RYK: variants seen among roughly 807,000 people sequenced by gnomAD.
RYK encodes the protein inactive tyrosine-protein kinase RYK.
A neutral mutation model predicts 70.2 loss-of-function variants in RYK; 21 were observed. The observed-to-expected ratio is 0.30, with a 90% CI of 0.21 to 0.43. The LOEUF is 0.43. Among genes scored for constraint, RYK ranks in the 20% least tolerant of loss-of-function variants. The pLI, the probability that RYK is intolerant of heterozygous loss-of-function variation, is 1.00. For synonymous variants in RYK, 267 were observed against 278.0 expected (o/e 0.96, Z 0.39); for missense variants, 604 against 753.3 (o/e 0.80, Z 2.32).
chr3:134,204,826 AG>A (rs1480315749), intron 5 of RYK, among the ~76,000 whole-genome samples: 2 of 152,170 alleles, frequency 1.3e-5, no homozygotes, highest in African/African-American at 4.8e-5. Flanking sequence ...GATCATTGCA[AG>A]GTTTCAAGCA....
chr3:134,247,886 G>A (rs1378593034), intron 1 of RYK, among the ~76,000 whole-genome samples: 1 of 152,094 alleles, frequency 6.6e-6, no homozygotes, highest in Non-Finnish European at 1.5e-5. Flanking sequence ...ATAATGGTTC[G>A]TTTCCTATGC....
chr3:134,246,189 C>T (rs1047199315), intron 1 of RYK, among the ~76,000 whole-genome samples: 7 of 151,112 alleles, frequency 4.6e-5, no homozygotes, highest in African/African-American at 1.7e-4. Context: ...CCATTCCCCC[C>T]CTCCCACTCC....
chr3:134,165,935 A>T (rs1483330442), intron 13 of RYK, among the ~76,000 whole-genome samples: 1 of 152,224 alleles, frequency 6.6e-6, no homozygotes, highest in Non-Finnish European at 1.5e-5. Flanking sequence ...AGGTTCATCC[A>T]TATCAGATTT....
At chr3:134,206,916 C>A (rs796805808) in intron 5 of RYK, among the ~76,000 whole-genome samples, 30 of 151,976 alleles carry the variant, frequency 2.0e-4, no homozygotes, top group African/African-American at 6.0e-4. Context: ...AATCTAGTAT[C>A]CTTTTAAGAT....
chr3:134,208,771 G>A (rs2014295065), intron 4 of RYK, among the ~76,000 whole-genome samples: 2 of 152,232 alleles, frequency 1.3e-5, no homozygotes, highest in African/African-American at 4.8e-5. Flanking sequence ...TGACAAGCTA[G>A]ATTCTCTGAA....
chr3:134,222,952 G>A (rs1228144484), intron 1 of RYK, among the ~76,000 whole-genome samples: 1 of 152,126 alleles, frequency 6.6e-6, no homozygotes, highest in African/African-American at 2.4e-5. Flanking sequence ...AAGGCCCCTC[G>A]GATAAAACAT....
At chr3:134,242,136 C>T (rs1316013525) in intron 1 of RYK, among the ~76,000 whole-genome samples, 1 of 152,136 alleles carries the variant, frequency 6.6e-6, no homozygotes, top group Admixed American at 6.6e-5. Flanking sequence ...GAAATCCCAT[C>T]TCTACCAAAA....
intron 13 of RYK, among the ~76,000 whole-genome samples, chr3:134,171,775 G>A (rs1317298895): frequency 6.6e-6 from 1 of 152,146 alleles, no homozygotes; most frequent in East Asian, 1.9e-4. Context: ...GCTGAGGCAG[G>A]AGGACCACTT....
At chr3:134,189,974 A>C (rs1421645941) in intron 8 of RYK, among the ~76,000 whole-genome samples, 3 of 152,154 alleles carry the variant, frequency 2.0e-5, no homozygotes, top group African/African-American at 7.2e-5. Flanking sequence ...TTTAAAAGAT[A>C]AGCTTGCAAA....
chr3:134,247,469 T>G (rs1050869460), intron 1 of RYK, among the ~76,000 whole-genome samples: 2 of 152,158 alleles, frequency 1.3e-5, no homozygotes, highest in African/African-American at 2.4e-5. Flanking sequence ...TTTGGGAGGC[T>G]GAGGTGGGTG....
At chr3:134,225,593 C>G (rs2014883667) in intron 1 of RYK, among the ~76,000 whole-genome samples, 1 of 152,194 alleles carries the variant, frequency 6.6e-6, no homozygotes, top group Non-Finnish European at 1.5e-5. Flanking sequence ...TGGTGTTACA[C>G]CTGTAATCCC....
chr3:134,187,133 C>T (rs1479332803), intron 9 of RYK, among the ~76,000 whole-genome samples: 1 of 151,954 alleles, frequency 6.6e-6, no homozygotes, highest in Non-Finnish European at 1.5e-5. Flanking sequence ...TAAATTAAAC[C>T]ACTTGTTTAG....
intron 1 of RYK, among the ~76,000 whole-genome samples, chr3:134,238,692 T>C (rs2015248527): frequency 6.6e-6 from 1 of 152,154 alleles, no homozygotes; most frequent in African/African-American, 2.4e-5. Context: ...GCACAAATGT[T>C]AGAATACAAG....
rs115776786 is a variant in RYK at position 134,175,486 on chromosome 3, G to A, written c.1575+123C>T. On this transcript the variant is annotated intron_variant, in intron 13 of 14. Transcript: ENST00000623711. ...GGCAGCTAATTACACTTGCTTTCTGGATAAAAATTTCCGGGAACAGCTAGC... is the reference window on the plus strand; with the variant it reads ...GGCAGCTAATTACACTTGCTTTCTGAATAAAAATTTCCGGGAACAGCTAGC... 1.5e-3 allele frequency: 1,725 copies of A among 1,158,174 alleles called. 19 individuals carry two copies. In the African/African-American group the frequency reaches 0.018, roughly 12 times the overall value. The allele number at this position is 1,158,174 out of a possible 1,614,324, so 71.7% of individuals were successfully genotyped here.
In RYK at chr3:134,250,354, T is replaced by C. The variant is rs1005660254; in HGVS notation, c.232+69A>G. ...CCGAGGTCCACGGCTCGCAGACTGA[T>C]CCGCCGGCGGCCGGAAGCTGCCCCA... On this transcript the variant is annotated intron_variant, in intron 1 of 14. Coordinates refer to ENST00000623711, the MANE Select transcript of RYK (RefSeq NM_002958.4). 2.9e-6 allele frequency: 3 copies of C among 1,024,054 alleles called. No homozygotes were observed. In the African/African-American group the frequency reaches 5.1e-5, roughly 18 times the overall value. The allele number at this position is 1,024,054 out of a possible 1,614,324, so 63.4% of individuals were successfully genotyped here. A position where few individuals can be genotyped will look rare whatever the true frequency, so the allele number is the denominator to read the frequency against.
chr3:134,172,155 A>G (rs568973055), intron 13 of RYK, among the ~76,000 whole-genome samples: 1 of 152,180 alleles, frequency 6.6e-6, no homozygotes, highest in Non-Finnish European at 1.5e-5. Flanking sequence ...TTTTAAATCA[A>G]CCACTGGAAA....
chr3:134,193,223 G>A (rs1235954475), intron 7 of RYK, among the ~76,000 whole-genome samples: 3 of 146,104 alleles, frequency 2.1e-5, no homozygotes, highest in East Asian at 2.0e-4. Context: ...TCACTCTGTT[G>A]CCTAGGCTGG....
intron 1 of RYK, among the ~76,000 whole-genome samples, chr3:134,239,792 A>G (rs2015277103): frequency 3.9e-5 from 6 of 152,252 alleles, no homozygotes; most frequent in Admixed American, 3.9e-4. Flanking sequence ...AACAACCAAA[A>G]AAGTATCAGA....
chr3:134,196,683 C>T (rs1033581718), intron 6 of RYK, among the ~76,000 whole-genome samples: 3 of 151,068 alleles, frequency 2.0e-5, no homozygotes, highest in African/African-American at 7.3e-5. Flanking sequence ...TTTCAAGAGC[C>T]CATACACAAA....
Sources: allele counts gnomAD v4.1 joint callset (sites outside exome capture counted in the v4.1 genomes callset), GRCh38; gene constraint gnomAD v4.1.1; transcripts MANE v1.5; gene names NCBI Gene and HGNC (gene_info 2026-07-23, HGNC 2026-07-21).